FTO: variants seen among roughly 807,000 people sequenced by gnomAD.
FTO encodes alpha-ketoglutarate-dependent dioxygenase FTO.
A neutral mutation model predicts 63.9 loss-of-function variants in FTO; 47 were observed. The observed-to-expected ratio is 0.74, with a 90% CI of 0.58 to 0.94. FTO has a LOEUF of 0.94. FTO is among the 40% of genes least tolerant of loss of function. The pLI is 0.00. For synonymous variants in FTO, 207 were observed against 224.4 expected (o/e 0.92, Z 0.69); for missense variants, 562 against 618.1 (o/e 0.91, Z 0.96).
intron 1 of FTO, among the ~76,000 whole-genome samples, chr16:53,779,454 C>G (rs1299747152): frequency 2.0e-5 from 3 of 152,114 alleles, no homozygotes; most frequent in African/African-American, 7.2e-5. Context: ...CACACAGAAA[C>G]TGTTTTAATT....
At chr16:54,086,707 G>C (rs1377618719) in intron 8 of FTO, among the ~76,000 whole-genome samples, 5 of 152,148 alleles carry the variant, frequency 3.3e-5, no homozygotes, top group Non-Finnish European at 7.4e-5. Flanking sequence ...ATAAAGGCAG[G>C]ATTCTCAATG....
chr16:54,068,346 G>A (rs1425471680), intron 8 of FTO, among the ~76,000 whole-genome samples: 1 of 151,604 alleles, frequency 6.6e-6, no homozygotes, highest in African/African-American at 2.4e-5. Context: ...TTTTCCTTGA[G>A]AGCCCTGAGC....
At chr16:53,723,601 A>C (rs1447732007) in intron 1 of FTO, among the ~76,000 whole-genome samples, 1 of 152,198 alleles carries the variant, frequency 6.6e-6, no homozygotes, top group African/African-American at 2.4e-5. Context: ...TTTATTCCCC[A>C]TGCCTCATCA....
chr16:54,048,102 T>TA (rs1460681154), intron 8 of FTO, among the ~76,000 whole-genome samples: 2 of 66,652 alleles, frequency 3.0e-5, no homozygotes, highest in Admixed American at 3.4e-4. Flanking sequence ...CCCTAAAACT[T>TA]AGAGTATAAT....
chr16:54,094,563 C>T (rs1387183062), intron 8 of FTO, among the ~76,000 whole-genome samples: 2 of 152,198 alleles, frequency 1.3e-5, no homozygotes, highest in African/African-American at 2.4e-5. Flanking sequence ...AGAAAAAGAA[C>T]AGCATAAATT....
intron 8 of FTO, among the ~76,000 whole-genome samples, chr16:53,950,665 G>A (rs923634700): frequency 6.6e-6 from 1 of 152,200 alleles, no homozygotes. Context: ...TAATTCAAAT[G>A]ATGCGGTAAC....
Position 53,711,844 on chromosome 16 carries a change from C to T in FTO, c.45+7615C>T, listed in dbSNP as rs941118046. ...AAAATATCCAGAATATGTAACCTAC[C>T]GTTTTAAGTAACATGATTTAAAAAC... On this transcript the variant is annotated intron_variant, in intron 1 of 8. Coordinates refer to ENST00000471389, the MANE Select transcript of FTO (RefSeq NM_001080432.3). Among the ~76,000 whole-genome samples, 7 of 152,058 alleles carry T rather than the reference C, an allele frequency of 4.6e-5. No homozygotes were observed. The South Asian group carries it at 6.2e-4, about 14-fold the overall frequency.
intron 1 of FTO, among the ~76,000 whole-genome samples, chr16:53,734,080 C>CA (rs2076333370): frequency 1.3e-5 from 2 of 152,008 alleles, no homozygotes. Flanking sequence ...GGAAAAGTAC[C>CA]AAAAAAGCAT....
chr16:53,837,743 A>G (rs1022532821), intron 3 of FTO, among the ~76,000 whole-genome samples: 1 of 152,194 alleles, frequency 6.6e-6, no homozygotes, highest in Non-Finnish European at 1.5e-5. Context: ...TCTGGCTTAT[A>G]CAGTACCCAT....
chr16:53,768,879 C>G, intron 1 of FTO, among the ~76,000 whole-genome samples: 1 of 152,150 alleles, frequency 6.6e-6, no homozygotes, highest in East Asian at 1.9e-4. Context: ...TGGCTACCAC[C>G]AGTACATGAC....
At chr16:54,004,199 A>T (rs930102561) in intron 8 of FTO, among the ~76,000 whole-genome samples, 1 of 152,164 alleles carries the variant, frequency 6.6e-6, no homozygotes, top group Non-Finnish European at 1.5e-5. Context: ...TTTACTTAGC[A>T]TGGTACGTCT....
intron 8 of FTO, among the ~76,000 whole-genome samples, chr16:54,086,231 A>G (rs1448207202): frequency 6.6e-6 from 1 of 152,196 alleles, no homozygotes. Context: ...AACAAAAATA[A>G]CCATTTTTCT....
chr16:53,761,013 C>T (rs1410308257), intron 1 of FTO, among the ~76,000 whole-genome samples: 1 of 144,236 alleles, frequency 6.9e-6, no homozygotes, highest in Non-Finnish European at 1.5e-5. Context: ...CTTTTCTTTC[C>T]TTTCTTTCCC....
intron 1 of FTO, among the ~76,000 whole-genome samples, chr16:53,769,275 A>T (rs1558901): frequency 0.42 from 63,417 of 152,058 alleles, 13,469 homozygotes; most frequent in Non-Finnish European, 0.44. Flanking sequence ...TTTCACCTTG[A>T]TTCTCCGCAT....
At chr16:54,054,762 C>G (rs1371892528) in intron 8 of FTO, among the ~76,000 whole-genome samples, 1 of 152,006 alleles carries the variant, frequency 6.6e-6, no homozygotes, top group African/African-American at 2.4e-5. Context: ...GAAATAGGTA[C>G]CATTTCAATG....
At chr16:54,009,267 G>A (rs1217316837) in intron 8 of FTO, among the ~76,000 whole-genome samples, 3 of 152,140 alleles carry the variant, frequency 2.0e-5, no homozygotes, top group Admixed American at 1.3e-4. Context: ...AGGAAATATA[G>A]TAATAGATGA....
At chr16:54,038,822 C>T (rs2085005108) in intron 8 of FTO, among the ~76,000 whole-genome samples, 1 of 152,192 alleles carries the variant, frequency 6.6e-6, no homozygotes, top group Admixed American at 6.5e-5. Flanking sequence ...ATGCTGGTGC[C>T]ATGTTTGTAC....
intron 7 of FTO, among the ~76,000 whole-genome samples, chr16:53,907,402 T>C (rs2081566510): frequency 1.3e-5 from 2 of 152,196 alleles, no homozygotes; most frequent in Admixed American, 1.3e-4. Context: ...GCCCTCATGG[T>C]AGCTTGGCTG....
Position 53,713,948 on chromosome 16 carries a change from A to G in FTO, c.45+9719A>G, listed in dbSNP as rs565889974. ...CTATGAGTTTGACTATTAGACGTAC[A>G]TTTTTGTTTTTGCTATAAGCATCTG... is the stretch of plus-strand genomic sequence containing the variant. On this transcript the variant is annotated intron_variant, in intron 1 of 8. Coordinates refer to ENST00000471389, the MANE Select transcript of FTO (RefSeq NM_001080432.3). 3.9e-5 allele frequency among the ~76,000 whole-genome samples: 6 copies of G among 152,190 alleles called. No homozygotes were observed. In the South Asian group the frequency reaches 8.3e-4, roughly 21 times the overall value.
Sources: allele counts gnomAD v4.1 joint callset (sites outside exome capture counted in the v4.1 genomes callset), GRCh38; gene constraint gnomAD v4.1.1; transcripts MANE v1.5; gene names NCBI Gene and HGNC (gene_info 2026-07-23, HGNC 2026-07-21).